Variants in CDC73 observed in about 807,000 individuals in gnomAD.
CDC73 encodes the protein cell division cycle 73, also known as parafibromin.
In CDC73, 21 loss-of-function variants were observed where a neutral mutation model predicts 83.7. That is an observed-to-expected ratio of 0.25 (90% confidence interval 0.18 to 0.36). The LOEUF is 0.36. Ranked by LOEUF, CDC73 falls within the 10% of genes least tolerant of loss-of-function variation. CDC73 has a pLI of 1.00. For synonymous variants in CDC73, 224 were observed against 212.9 expected (o/e 1.05, Z -0.45); for missense variants, 342 against 653.3 (o/e 0.52, Z 5.19).
intron 13 of CDC73, among the ~76,000 whole-genome samples, chr1:193,230,532 G>A (rs1677645921): frequency 7.3e-6 from 1 of 136,558 alleles, no homozygotes; most frequent in African/African-American, 2.9e-5. Context: ...ATGGAAGATA[G>A]CAATAGTAGA....
chr1:193,141,828 T>G, intron 6 of CDC73, 22 bp from the exon 7 acceptor site: 1 of 1,556,650 alleles, frequency 6.4e-7, no homozygotes, highest in East Asian at 2.3e-5. Context: ...CTGTGAAAAT[T>G]TAAAAAAGAA....
chr1:193,158,636 A>G, intron 10 of CDC73, among the ~76,000 whole-genome samples: 1 of 152,202 alleles, frequency 6.6e-6, no homozygotes, highest in African/African-American at 2.4e-5. Flanking sequence ...TTAGACTGGC[A>G]TATTATTCTA....
At chr1:193,199,891 A>G (rs1400003658) in intron 10 of CDC73, among the ~76,000 whole-genome samples, 1 of 152,054 alleles carries the variant, frequency 6.6e-6, no homozygotes, top group African/African-American at 2.4e-5. Flanking sequence ...TTAATACAAC[A>G]GAAAAGTAGA....
chr1:193,138,068 C>T lies in CDC73; in HGVS notation c.424-17C>T. 1.3e-6 allele frequency: 2 copies of T among 1,586,792 alleles called. No homozygotes were observed. Among genetic ancestry groups the T allele is most frequent in the Non-Finnish European group, 1.7e-6 (2 of 1,155,298 alleles). On this transcript the variant is annotated splice_polypyrimidine_tract_variant and intron_variant, in intron 5 of 16. Transcript: ENST00000367435. ...TCAATAAAAATTTTAAATGCATTAACCAGTGGTTATTTCCAGGATGAAGAG... is the reference window on the plus strand; with the variant it reads ...TCAATAAAAATTTTAAATGCATTAATCAGTGGTTATTTCCAGGATGAAGAG...
chr1:193,135,871 T>C (rs868046443), intron 5 of CDC73, among the ~76,000 whole-genome samples: 4 of 138,054 alleles, frequency 2.9e-5, no homozygotes, highest in African/African-American at 2.7e-5. Flanking sequence ...TTCTGTTCTT[T>C]TTTTTTTTTT....
chr1:193,137,699 A>T (rs1196422113), intron 5 of CDC73, among the ~76,000 whole-genome samples: 1 of 152,206 alleles, frequency 6.6e-6, no homozygotes, highest in Non-Finnish European at 1.5e-5. Flanking sequence ...AGATGAAAAA[A>T]AAATGGAGAT....
rs552978336 is a variant in CDC73 at position 193,233,050 on chromosome 1, A to G, written c.1212A>G (p.Leu404=). The part of the protein sequence containing the change: ...KQGCQRENET[L]IQRRKDQMQP... ...GTTGTCAACGAGAAAATGAAACTCT[A>G]ATACAAAGAAGAAAAGACCAGATGC... Residue 404 remains leucine (L), a synonymous_variant, in exon 14 of 17, where the codon CTA becomes CTG. Coordinates refer to ENST00000367435, the MANE Select transcript of CDC73 (RefSeq NM_024529.5). 2 of 1,613,562 alleles carry G rather than the reference A, an allele frequency of 1.2e-6. No individual in the cohort carries two copies. Among genetic ancestry groups the G allele is most frequent in the Non-Finnish European group, 1.7e-6 (2 of 1,179,452 alleles).
chr1:193,160,306 A>G (rs1324733218), intron 10 of CDC73, among the ~76,000 whole-genome samples: 1 of 152,170 alleles, frequency 6.6e-6, no homozygotes, highest in Non-Finnish European at 1.5e-5. Context: ...CTTGAAATCA[A>G]GATTACTAAT....
intron 10 of CDC73, chr1:193,161,051 A>T: frequency 6.0e-6 from 1 of 166,036 alleles, no homozygotes; most frequent in Non-Finnish European, 1.3e-5. Flanking sequence ...TAGTTAGTTC[A>T]TCCCCTTTCC....
At chr1:193,210,774 C>T (rs1303456190) in intron 11 of CDC73, among the ~76,000 whole-genome samples, 1 of 151,948 alleles carries the variant, frequency 6.6e-6, no homozygotes, top group Non-Finnish European at 1.5e-5. Context: ...TGATCACAAT[C>T]AATCATATGG....
At chr1:193,177,117 G>T (rs1385954861) in intron 10 of CDC73, among the ~76,000 whole-genome samples, 1 of 152,018 alleles carries the variant, frequency 6.6e-6, no homozygotes, top group African/African-American at 2.4e-5. Flanking sequence ...GGCAAAGGAT[G>T]AAGAACAGAG....
At position 193,249,327 on chromosome 1, in the gene CDC73, T is replaced by A. The variant is rs142466306; in HGVS notation, c.1418-403T>A. ...ACATAATGCTATTGCACACGTAATATAGACTGTGATACAGTGTTAACGTAA... is the reference window on the plus strand; with the variant it reads ...ACATAATGCTATTGCACACGTAATAAAGACTGTGATACAGTGTTAACGTAA... On this transcript the variant is annotated intron_variant, in intron 15 of 16. Coordinates refer to ENST00000367435, the MANE Select transcript of CDC73 (RefSeq NM_024529.5). 2.6e-5 allele frequency among the ~76,000 whole-genome samples: 4 copies of A among 152,162 alleles called. No individual in the cohort carries two copies. The East Asian group carries it at 5.8e-4, about 22-fold the overall frequency.
At chr1:193,177,980 G>A (rs188658427) in intron 10 of CDC73, among the ~76,000 whole-genome samples, 1 of 152,042 alleles carries the variant, frequency 6.6e-6, no homozygotes, top group South Asian at 2.1e-4. Flanking sequence ...AGTTATTTGT[G>A]TACCCTTTGA....
At chr1:193,212,313 ATCT>A in intron 12 of CDC73, 74 bp from the exon 13 acceptor site, 2 of 985,054 alleles carry the variant, frequency 2.0e-6, no homozygotes, top group South Asian at 3.2e-5. Context: ...ACAATTTATA[ATCT>A]TTTAACTTTT....
chr1:193,243,435 T>G (rs570634644), intron 15 of CDC73, among the ~76,000 whole-genome samples: 71 of 152,332 alleles, frequency 4.7e-4, no homozygotes, highest in African/African-American at 1.6e-3. Context: ...ATCCTAGCTT[T>G]AAATTTAAAA....
At chr1:193,232,957 A>G (rs371878145) in intron 13 of CDC73, 36 bp from the exon 14 acceptor site, 2 of 1,568,524 alleles carry the variant, frequency 1.3e-6, no homozygotes, top group African/African-American at 2.7e-5. Flanking sequence ...ATCACGTGGA[A>G]TACATTGACT....
At chr1:193,172,338 C>CT (rs1237743828) in intron 10 of CDC73, among the ~76,000 whole-genome samples, 3 of 143,434 alleles carry the variant, frequency 2.1e-5, no homozygotes, top group Non-Finnish European at 4.5e-5. Context: ...TATGAGGTTT[C>CT]TTTTTTTTGT....
At chr1:193,171,302 A>G (rs1676515135) in intron 10 of CDC73, among the ~76,000 whole-genome samples, 1 of 152,142 alleles carries the variant, frequency 6.6e-6, no homozygotes, top group Non-Finnish European at 1.5e-5. Context: ...ACATTCTCTT[A>G]CAGTTCTGTA....
At chr1:193,209,293 G>A (rs972949200) in intron 11 of CDC73, among the ~76,000 whole-genome samples, 8 of 152,210 alleles carry the variant, frequency 5.3e-5, no homozygotes, top group African/African-American at 1.9e-4. Context: ...AGTGGCAGCA[G>A]TTAGCATCTA....
Sources: allele counts gnomAD v4.1 joint callset (sites outside exome capture counted in the v4.1 genomes callset), GRCh38; gene constraint gnomAD v4.1.1; transcripts MANE v1.5; gene names NCBI Gene and HGNC (gene_info 2026-07-23, HGNC 2026-07-21).